DLG2: variants seen among roughly 807,000 people sequenced by gnomAD.
DLG2 encodes the protein discs large MAGUK scaffold protein 2.
Under a neutral mutation model 132.5 loss-of-function variants are expected in DLG2, and 45 were observed. The observed-to-expected ratio is 0.34, with a 90% confidence interval of 0.27 to 0.44. The LOEUF (loss-of-function observed/expected upper bound fraction) is 0.44. DLG2 is among the 20% of genes least tolerant of loss of function. The pLI, the probability that DLG2 is intolerant of heterozygous loss-of-function variation, is 1.00. For synonymous variants in DLG2, 424 were observed against 419.6 expected (o/e 1.01, Z -0.13); for missense variants, 1,045 against 1,196.9 (o/e 0.87, Z 1.87).
At chr11:84,399,790 T>C (rs2098823306) in intron 7 of DLG2, among the ~76,000 whole-genome samples, 1 of 152,236 alleles carries the variant, frequency 6.6e-6, no homozygotes, top group Non-Finnish European at 1.5e-5. Context: ...TGTTTGTTTG[T>C]TTTTTGGTTC....
intron 6 of DLG2, among the ~76,000 whole-genome samples, chr11:84,722,262 C>A (rs939238434): frequency 1.3e-5 from 2 of 152,122 alleles, no homozygotes; most frequent in South Asian, 4.1e-4. Flanking sequence ...ACAGGAACAA[C>A]ATAGTCAAAA....
intron 6 of DLG2, among the ~76,000 whole-genome samples, chr11:84,743,957 C>T (rs2065026534): frequency 6.6e-6 from 1 of 152,072 alleles, no homozygotes; most frequent in African/African-American, 2.4e-5. Context: ...AACTCCTGAC[C>T]TCGTGATCCA....
intron 7 of DLG2, among the ~76,000 whole-genome samples, chr11:84,474,714 T>C (rs559810490): frequency 2.8e-4 from 43 of 152,156 alleles, no homozygotes; most frequent in African/African-American, 1.0e-3. Flanking sequence ...CTACCAGTAG[T>C]AGTAGCACTA....
chr11:85,501,936 A>C (rs2093813504), intron 3 of DLG2, among the ~76,000 whole-genome samples: 1 of 152,234 alleles, frequency 6.6e-6, no homozygotes, highest in Non-Finnish European at 1.5e-5. Context: ...CCAAAGGATT[A>C]TAAATCATTC....
intron 5 of DLG2, among the ~76,000 whole-genome samples, chr11:85,151,038 C>T (rs1184151448): frequency 6.6e-6 from 1 of 152,130 alleles, no homozygotes; most frequent in Non-Finnish European, 1.5e-5. Context: ...ACATTATTTT[C>T]TGTTATTTTG....
chr11:84,632,162 T>C (rs1312384642), intron 6 of DLG2, among the ~76,000 whole-genome samples: 1 of 152,114 alleles, frequency 6.6e-6, no homozygotes, highest in Non-Finnish European at 1.5e-5. Context: ...GAAATACTTA[T>C]ACCAGACTTC....
At chr11:84,536,500 C>T (rs2099355919) in intron 6 of DLG2, among the ~76,000 whole-genome samples, 1 of 152,158 alleles carries the variant, frequency 6.6e-6, no homozygotes, top group Non-Finnish European at 1.5e-5. Context: ...TTTATCTAAC[C>T]TTATGAATAA....
chr11:84,397,768 G>C (rs1438228345), intron 7 of DLG2, among the ~76,000 whole-genome samples: 1 of 152,212 alleles, frequency 6.6e-6, no homozygotes, highest in Non-Finnish European at 1.5e-5. Flanking sequence ...TTAACCATGA[G>C]AAAGTACATT....
chr11:85,527,635 T>C (rs887657419), intron 3 of DLG2, among the ~76,000 whole-genome samples: 3 of 152,234 alleles, frequency 2.0e-5, no homozygotes, highest in African/African-American at 7.2e-5. Flanking sequence ...TTTCCTATTG[T>C]AAATAGTGCT....
At chr11:84,503,393 G>A (rs1591041262) in intron 7 of DLG2, among the ~76,000 whole-genome samples, 1 of 152,154 alleles carries the variant, frequency 6.6e-6, no homozygotes, top group East Asian at 1.9e-4. Context: ...ATAAAGATCA[G>A]AACAAATGAG....
chr11:84,326,687 A>G (rs1258360191), intron 7 of DLG2, among the ~76,000 whole-genome samples: 1 of 152,182 alleles, frequency 6.6e-6, no homozygotes, highest in Non-Finnish European at 1.5e-5. Context: ...AGAATAATGC[A>G]TATTCTCCTG....
At chr11:83,773,992 C>T (rs1319120997) in intron 18 of DLG2, among the ~76,000 whole-genome samples, 2 of 152,178 alleles carry the variant, frequency 1.3e-5, no homozygotes, top group African/African-American at 2.4e-5. Flanking sequence ...AAGATCCTTG[C>T]TTCATGTATC....
In DLG2 at chr11:83,507,758, TTATATATATATATATATATATA is replaced by T. The variant is rs59086507; in HGVS notation, c.2194-23552_2194-23531del. On this transcript the variant is annotated intron_variant, in intron 21 of 27. Transcript: ENST00000376104. ...ATTTATATTTACATATATATTTTTATTATATATATATATATATATATATATATATATATATATATATGTATAT... is the reference window on the plus strand; with the variant it reads ...ATTTATATTTACATATATATTTTTATTATATATATATATATATATGTATAT... Among the ~76,000 whole-genome samples the T allele has an allele frequency of 3.4e-4, 34 of 99,882 alleles. 1 individual carries two copies. Among genetic ancestry groups the T allele is most frequent in the African/African-American group, 7.0e-4 (19 of 27,324 alleles). The allele number at this position is 99,882 out of a possible 152,430, so 65.5% of individuals were successfully genotyped here.
At chr11:85,605,478 T>C (rs189497302) in intron 2 of DLG2, among the ~76,000 whole-genome samples, 22 of 152,336 alleles carry the variant, frequency 1.4e-4, no homozygotes, top group African/African-American at 5.1e-4. Flanking sequence ...ATAAAAATGG[T>C]CCTACCTTTA....
intron 6 of DLG2, among the ~76,000 whole-genome samples, chr11:84,616,601 A>G (rs964901291): frequency 6.6e-6 from 1 of 152,132 alleles, no homozygotes; most frequent in Non-Finnish European, 1.5e-5. Flanking sequence ...ATTTTAAATC[A>G]GAAAACCCAC....
At chr11:84,725,346 A>G (rs192078462) in intron 6 of DLG2, among the ~76,000 whole-genome samples, 4 of 152,282 alleles carry the variant, frequency 2.6e-5, no homozygotes, top group African/African-American at 7.2e-5. Context: ...ACAATCAAAC[A>G]TATAAGGTTT....
intron 6 of DLG2, among the ~76,000 whole-genome samples, chr11:84,869,098 C>G (rs983946068): frequency 3.3e-5 from 5 of 152,212 alleles, no homozygotes; most frequent in Admixed American, 1.3e-4. Flanking sequence ...CTATTTGTTA[C>G]AGCTGCTGTA....
chr11:84,477,147 T>G (rs1020338275), intron 7 of DLG2, among the ~76,000 whole-genome samples: 1 of 152,046 alleles, frequency 6.6e-6, no homozygotes, highest in East Asian at 1.9e-4. Flanking sequence ...ATAGTCTGAG[T>G]AGAACCACAA....
intron 18 of DLG2, among the ~76,000 whole-genome samples, chr11:83,765,979 T>C (rs907670420): frequency 2.0e-5 from 3 of 152,242 alleles, no homozygotes; most frequent in Admixed American, 6.5e-5. Flanking sequence ...ATTTTATTTA[T>C]TTCCTTGACA....
Sources: allele counts gnomAD v4.1 joint callset (sites outside exome capture counted in the v4.1 genomes callset), GRCh38; gene constraint gnomAD v4.1.1; transcripts MANE v1.5; gene names NCBI Gene and HGNC (gene_info 2026-07-23, HGNC 2026-07-21).